ADH7: variants seen among roughly 807,000 people sequenced by gnomAD.
ADH7 encodes alcohol dehydrogenase 7 (class IV), mu or sigma polypeptide, also known as all-trans-retinol dehydrogenase [NAD(+)] ADH7.
Under a neutral mutation model 34.4 loss-of-function variants are expected in ADH7, and 41 were observed. The observed-to-expected ratio is 1.19, with a 90% CI of 0.93 to 1.55. ADH7 has a LOEUF of 1.55. Among genes scored for constraint, ADH7 ranks in the 40% most tolerant of loss-of-function variants. The pLI is 0.00. For synonymous variants in ADH7, 180 were observed against 160.9 expected (o/e 1.12, Z -0.90); for missense variants, 540 against 461.2 (o/e 1.17, Z -1.56).
chr4:99,415,933 G>A (rs1721506008), intron 7 of ADH7: 2 of 186,118 alleles, frequency 1.1e-5, no homozygotes, highest in Admixed American at 1.1e-4. Context: ...GAGAACACAT[G>A]GACACAGGGA....
At chr4:99,415,304 A>G (rs761740275) in intron 8 of ADH7, 174 bp downstream of exon 8, 14 of 625,764 alleles carry the variant, frequency 2.2e-5, no homozygotes, top group Non-Finnish European at 2.6e-5. Flanking sequence ...TTTTTTTTTT[A>G]TAGTAGTATG....
At chr4:99,420,092 A>T (rs1721612857) in intron 6 of ADH7, among the ~76,000 whole-genome samples, 1 of 152,180 alleles carries the variant, frequency 6.6e-6, no homozygotes, top group African/African-American at 2.4e-5. Flanking sequence ...GCTCAGATGT[A>T]AAGAGTGAGA....
rs781445319 is a variant in ADH7 at position 99,420,533 on chromosome 4, CATGGTTTCAAGA to C, written c.813_824del (p.His271_Met275delinsGln). On this transcript the variant is annotated inframe_deletion and splice_region_variant, in exon 6 of 9. Transcript: ENST00000437033. ...TGGCTTCTCAAATTTTGGGTCTTAC[CATGGTTTCAAGA>C]TGCCCAATAACTTCAAAGGTGTATC... 8.1e-6 allele frequency: 13 copies of C among 1,611,364 alleles called. No homozygotes were observed. Among genetic ancestry groups the C allele is most frequent in the Non-Finnish European group, 1.1e-5 (13 of 1,178,040 alleles).
intron 1 of ADH7, among the ~76,000 whole-genome samples, chr4:99,431,839 G>A (rs780305016): frequency 3.9e-5 from 6 of 152,154 alleles, no homozygotes; most frequent in African/African-American, 1.2e-4. Context: ...AGGTTGGAGC[G>A]AAAAGGGAAT....
At position 99,429,517 on chromosome 4, in the gene ADH7, A is replaced by G. The variant is rs377115798; in HGVS notation, c.120+15T>C. 67 of 1,592,754 alleles carry G rather than the reference A, an allele frequency of 4.2e-5. No homozygotes were observed. The African/African-American group carries it at 8.6e-4, about 20-fold the overall frequency. On this transcript the variant is annotated intron_variant, in intron 2 of 8. Coordinates refer to ENST00000437033, the MANE Select transcript of ADH7 (RefSeq NM_000673.7). ...ATAACGCTTTTGGCTTAAGTTCTCT[A>G]GGGCTCACGCTTACCTTAATGCGAA...
rs1721442117 is a variant in ADH7, at chr4:99,413,048, C to T, written c.*100G>A. On this transcript the variant is annotated 3_prime_UTR_variant, in exon 9 of 9. Transcript: ENST00000437033. ...GTCTTCAACAAATCTTCTACTTATG[C>T]TTGTATTTGTGAGACAGATACATGA... The T allele has an allele frequency of 4.0e-6, 5 of 1,238,372 alleles. No individual in the cohort carries two copies. Among genetic ancestry groups the T allele is most frequent in the Middle Eastern group, 1.9e-4 (1 of 5,198 alleles). 76.7% of individuals were successfully genotyped at this position (1,238,372 alleles called of 1,614,324 possible). A position where few individuals can be genotyped will look rare whatever the true frequency, so the allele number is the denominator to read the frequency against.
chr4:99,417,455 A>G (rs569289810), intron 7 of ADH7, among the ~76,000 whole-genome samples: 1 of 152,144 alleles, frequency 6.6e-6, no homozygotes, highest in South Asian at 2.1e-4. Flanking sequence ...TTTTGCTCCA[A>G]TGTTACCTTA....
chr4:99,417,686 C>T (rs907768138), intron 7 of ADH7, among the ~76,000 whole-genome samples: 6 of 152,082 alleles, frequency 3.9e-5, no homozygotes, highest in Admixed American at 1.3e-4. Flanking sequence ...GTCTCTTCTC[C>T]GTTCCTAGCT....
Position 99,419,117 on chromosome 4 carries a change from T to G in ADH7, c.830A>C (p.Asp277Ala), listed in dbSNP as rs999607124. The change falls in exon 7 of 9, where the codon GAT (aspartate) becomes GCT (alanine). Residue 277 changes from aspartate (D) to alanine (A), a missense_variant. Physicochemically the swap from Asp to Ala is moderately radical, Grantham distance 126. Transcript: ENST00000437033. ...GTTCATGTGGCAGGATGCCAGGGCA[T>G]CAATCTGAGTTTAAAACGGAGGAGA... Reference protein sequence around the residue: ...EVIGHLETMIDALASCHMNYG... With the variant: ...EVIGHLETMIAALASCHMNYG... 1 of 1,613,458 alleles carries G rather than the reference T, an allele frequency of 6.2e-7. No homozygotes were observed. The highest frequency in any genetic ancestry group is 1.7e-5 in the Admixed American group (1 of 59,874).
chr4:99,426,486 T>C (rs1214834595), intron 5 of ADH7, among the ~76,000 whole-genome samples: 5 of 152,128 alleles, frequency 3.3e-5, no homozygotes, highest in East Asian at 1.9e-4. Context: ...CCTTGACACA[T>C]ACACCCTCCC....
At position 99,423,327 on chromosome 4, in the gene ADH7, G is replaced by A. The variant is rs1216958494; in HGVS notation, c.565-2534C>T. On this transcript the variant is annotated intron_variant, in intron 5 of 8. Transcript: ENST00000437033. ...AGTCTTTGCTATTGTGAATAGTGCC[G>A]CAATAAACATACGTGTGCATGTGTC... 8.8e-3 allele frequency among the ~76,000 whole-genome samples: 1,322 copies of A among 150,720 alleles called. 9 individuals carry two copies. The highest frequency in any genetic ancestry group is 0.015 in the Non-Finnish European group (985 of 67,624).
chr4:99,427,628 A>G, intron 5 of ADH7, 145 bp downstream of exon 5: 1 of 479,956 alleles, frequency 2.1e-6, no homozygotes, highest in Non-Finnish European at 3.4e-6. Flanking sequence ...CTTTTAGTTG[A>G]TTTGGCATTG....
At chr4:99,425,266 A>C (rs964361741) in intron 5 of ADH7, among the ~76,000 whole-genome samples, 2 of 152,208 alleles carry the variant, frequency 1.3e-5, no homozygotes, top group Non-Finnish European at 2.9e-5. Context: ...CAGACTGGTA[A>C]ATTCGATAAA....
rs1490480130 is a variant in ADH7 at position 99,415,595 on chromosome 4, A to G, written c.983T>C (p.Val328Ala). The change falls in exon 8 of 9, where the codon GTC (valine) becomes GCC (alanine). Residue 328 changes from valine (V) to alanine (A), a missense_variant. Coordinates refer to ENST00000437033, the MANE Select transcript of ADH7 (RefSeq NM_000673.7). ...VFGGLKSRDDVPKLVTEFLAK... is the reference protein window; with the variant it reads ...VFGGLKSRDDAPKLVTEFLAK... ...CAGGAACTCAGTCACTAGTTTTGGG[A>G]CATCATCTCTGCTTTTCAAACCTGC... is the stretch of plus-strand genomic sequence containing the variant. 2.5e-6 allele frequency: 4 copies of G among 1,613,282 alleles called. No homozygotes were observed. The highest frequency in any genetic ancestry group is 3.4e-6 in the Non-Finnish European group (4 of 1,179,604).
intron 6 of ADH7, among the ~76,000 whole-genome samples, 161 bp downstream of exon 6, chr4:99,420,372 G>A (rs1721618248): frequency 6.6e-6 from 1 of 152,120 alleles, no homozygotes. Context: ...TGACTTTTTA[G>A]GCAAAATTGC....
intron 7 of ADH7, 197 bp from the exon 8 acceptor site, chr4:99,415,813 T>C: frequency 2.3e-6 from 1 of 440,122 alleles, no homozygotes; most frequent in South Asian, 3.8e-5. Flanking sequence ...TGAGTTCATG[T>C]CCTTTGCAGG....
At chr4:99,418,223 CTTTTA>C (rs1721565533) in intron 7 of ADH7, among the ~76,000 whole-genome samples, 1 of 152,012 alleles carries the variant, frequency 6.6e-6, no homozygotes, top group South Asian at 2.1e-4. Context: ...TATATTCTTT[CTTTTA>C]TATTTGTTTT....
intron 5 of ADH7, among the ~76,000 whole-genome samples, chr4:99,425,319 C>G (rs1056206467): frequency 6.6e-6 from 1 of 152,122 alleles, no homozygotes; most frequent in East Asian, 1.9e-4. Context: ...AGACCCATCT[C>G]ACGTGCAGAG....
At chr4:99,415,394 T>A in intron 8 of ADH7, 84 bp downstream of exon 8, 1 of 1,361,072 alleles carries the variant, frequency 7.3e-7, no homozygotes, top group South Asian at 1.3e-5. Flanking sequence ...AAATAAAATA[T>A]GAAGAAAACA....
Sources: gnomAD v4.1 joint callset for allele counts (sites outside exome capture counted in the v4.1 genomes callset) on GRCh38, gnomAD v4.1.1 for gene constraint, MANE v1.5 for transcripts, NCBI Gene and HGNC (gene_info 2026-07-23, HGNC 2026-07-21) for gene names.